Variants in EYS observed in about 807,000 individuals in gnomAD.
EYS encodes the protein protein eyes shut homolog.
EYS carries 250 observed loss-of-function variants against 282.1 expected under a neutral mutation model. The ratio of observed to expected loss-of-function variants is 0.89; its 90% CI spans 0.80 to 0.98. The LOEUF is 0.98. Ranked by LOEUF, EYS falls within the 50% of genes least tolerant of loss-of-function variation. The pLI is 0.00. For synonymous variants in EYS, 1,355 were observed against 1,282.9 expected, an observed-to-expected ratio of 1.06 and a Z score of -1.20; for missense variants, 4,016 against 3,709.0, an observed-to-expected ratio of 1.08 and a Z score of -2.15.
intron 24 of EYS, among the ~76,000 whole-genome samples, chr6:64,600,451 A>C (rs1011734018): frequency 2.6e-5 from 4 of 152,090 alleles, no homozygotes; most frequent in Middle Eastern, 3.2e-3. Flanking sequence ...TAATAATCAA[A>C]TATCAAATGT....
chr6:63,782,096 A>G (rs1179344011), intron 39 of EYS, among the ~76,000 whole-genome samples: 2 of 152,216 alleles, frequency 1.3e-5, no homozygotes, highest in Non-Finnish European at 2.9e-5. Context: ...CCCAGGGATG[A>G]AGCCAACTTG....
intron 2 of EYS, among the ~76,000 whole-genome samples, chr6:65,522,903 A>G (rs1767425182): frequency 6.6e-6 from 1 of 152,148 alleles, no homozygotes; most frequent in Admixed American, 6.6e-5. Context: ...TGTAACATTT[A>G]ATTATAATTA....
chr6:65,459,970 A>T (rs9363369), intron 5 of EYS, among the ~76,000 whole-genome samples: 120 of 13,722 alleles, frequency 8.7e-3, no homozygotes, highest in African/African-American at 0.046. Context: ...TGTGTATTTT[A>T]TATATATATA....
At chr6:65,319,319 G>A (rs1769407046) in intron 11 of EYS, among the ~76,000 whole-genome samples, 1 of 150,386 alleles carries the variant, frequency 6.6e-6, no homozygotes, top group African/African-American at 2.4e-5. Flanking sequence ...AGCGGAGGTT[G>A]TGGTGAGCCA....
intron 31 of EYS, among the ~76,000 whole-genome samples, chr6:64,114,230 T>TCC (rs1356761185): frequency 1.3e-5 from 2 of 152,224 alleles, no homozygotes; most frequent in Non-Finnish European, 2.9e-5. Context: ...ATTGAAATAT[T>TCC]CCCTGGTATT....
chr6:64,245,202 T>C (rs148530631), intron 30 of EYS, among the ~76,000 whole-genome samples: 1 of 152,298 alleles, frequency 6.6e-6, no homozygotes, highest in East Asian at 1.9e-4. Flanking sequence ...ATGGCACATA[T>C]ACACCATGGA....
At chr6:65,163,402 T>G (rs538922675) in intron 12 of EYS, among the ~76,000 whole-genome samples, 1 of 151,418 alleles carries the variant, frequency 6.6e-6, no homozygotes, top group African/African-American at 2.4e-5. Context: ...AAACACTGCA[T>G]TAAAATTGTC....
chr6:64,559,680 C>T (rs752964766), intron 26 of EYS, among the ~76,000 whole-genome samples: 4 of 151,930 alleles, frequency 2.6e-5, no homozygotes, highest in Non-Finnish European at 5.9e-5. Context: ...AAAATTTAGA[C>T]ACAATTGTAT....
At chr6:65,188,204 T>TA (rs1360045304) in intron 12 of EYS, among the ~76,000 whole-genome samples, 1 of 151,720 alleles carries the variant, frequency 6.6e-6, no homozygotes, top group Non-Finnish European at 1.5e-5. Flanking sequence ...AACCTAGCTC[T>TA]AGAAGTTTCT....
intron 12 of EYS, among the ~76,000 whole-genome samples, chr6:65,173,091 A>T (rs555708717): frequency 3.3e-5 from 5 of 151,420 alleles, no homozygotes; most frequent in Non-Finnish European, 7.4e-5. Flanking sequence ...GAGATTAATT[A>T]GCTTGTCTGG....
At chr6:65,283,614 T>C (rs779935165) in intron 12 of EYS, among the ~76,000 whole-genome samples, 2 of 152,070 alleles carry the variant, frequency 1.3e-5, no homozygotes, top group African/African-American at 2.4e-5. Flanking sequence ...ATGCCAATAG[T>C]AAAATAGAGT....
intron 29 of EYS, among the ~76,000 whole-genome samples, chr6:64,379,237 CA>C (rs1027695190): frequency 1.3e-5 from 2 of 152,052 alleles, no homozygotes; most frequent in African/African-American, 4.8e-5. Context: ...AACTATCTCC[CA>C]AATTAATAGC....
At chr6:64,642,961 C>T (rs947496421) in intron 22 of EYS, among the ~76,000 whole-genome samples, 2 of 152,106 alleles carry the variant, frequency 1.3e-5, no homozygotes, top group African/African-American at 4.8e-5. Context: ...ACTAGAAGTA[C>T]AAAATTAGCT....
At chr6:65,663,465 G>A (rs1351235936) in intron 1 of EYS, among the ~76,000 whole-genome samples, 1 of 152,116 alleles carries the variant, frequency 6.6e-6, no homozygotes, top group Non-Finnish European at 1.5e-5. Context: ...AGAGATAGGA[G>A]AAGAAACTTA....
At chr6:64,100,215 A>G (rs938844689) in intron 31 of EYS, among the ~76,000 whole-genome samples, 21 of 152,134 alleles carry the variant, frequency 1.4e-4, no homozygotes, top group Non-Finnish European at 2.9e-4. Context: ...CTTATCTTGC[A>G]TATTTGCTTT....
chr6:65,087,228 A>C (rs1410187172), intron 12 of EYS, among the ~76,000 whole-genome samples: 1 of 151,944 alleles, frequency 6.6e-6, no homozygotes, highest in African/African-American at 2.4e-5. Flanking sequence ...CCCATATTTC[A>C]CTTTAACAGG....
At chr6:65,382,028 T>C (rs1765629342) in intron 8 of EYS, among the ~76,000 whole-genome samples, 1 of 151,404 alleles carries the variant, frequency 6.6e-6, no homozygotes, top group Admixed American at 6.6e-5. Flanking sequence ...CATACCTCTA[T>C]TATGATTATG....
At chr6:64,437,869 A>G (rs989507594) in intron 27 of EYS, among the ~76,000 whole-genome samples, 3 of 151,266 alleles carry the variant, frequency 2.0e-5, no homozygotes, top group African/African-American at 7.3e-5. Flanking sequence ...TGCCTATTTA[A>G]ATAATAAGGT....
In EYS at chr6:64,388,602, T is replaced by A. The variant is rs951223695; in HGVS notation, c.6078+88A>T. ...ATGGCCCCACTAGCCAGAAAATATT[T>A]CTAAAGTTTTTCTTTTTCATTTATC... is the stretch of plus-strand genomic sequence containing the variant. On this transcript the variant is annotated intron_variant, in intron 29 of 42. Transcript: ENST00000503581. The A allele has an allele frequency of 1.6e-5, 20 of 1,271,556 alleles. No individual in the cohort carries two copies. In the East Asian group the frequency reaches 5.0e-4, roughly 32 times the overall value. 78.8% of individuals were successfully genotyped at this position (1,271,556 alleles called of 1,614,324 possible).
Sources: allele counts gnomAD v4.1 joint callset (sites outside exome capture counted in the v4.1 genomes callset), GRCh38; gene constraint gnomAD v4.1.1; transcripts MANE v1.5; gene names NCBI Gene and HGNC (gene_info 2026-07-23, HGNC 2026-07-21).